TRHDE: variants seen among roughly 807,000 people sequenced by gnomAD.
The protein encoded by TRHDE is thyrotropin releasing hormone degrading enzyme.
Under a neutral mutation model 125.7 loss-of-function variants are expected in TRHDE, and 72 were observed. The ratio of observed to expected loss-of-function variants is 0.57; its 90% CI spans 0.47 to 0.70. The LOEUF (loss-of-function observed/expected upper bound fraction) is 0.70. TRHDE is among the 30% of genes least tolerant of loss of function. The probability of loss-of-function intolerance (pLI) is 0.00; values close to 1 mark genes in which losing one functional copy is unlikely to be tolerated. For missense variants in TRHDE, 1,110 were observed against 1,327.1 expected (o/e 0.84, Z 2.54); for synonymous variants, 509 against 509.1 (o/e 1.00, Z 0.00).
At chr12:72,552,137 A>C (rs757670412) in intron 7 of TRHDE, among the ~76,000 whole-genome samples, 1 of 152,184 alleles carries the variant, frequency 6.6e-6, no homozygotes, top group African/African-American at 2.4e-5. Context: ...AAACGGTTTT[A>C]AACTGGATAT....
At chr12:72,175,361 T>TAGTAATTTGCAAAAGGTA (rs1876964558) in intron 2 of TRHDE, among the ~76,000 whole-genome samples, 2 of 152,210 alleles carry the variant, frequency 1.3e-5, no homozygotes, top group African/African-American at 4.8e-5. Flanking sequence ...ACTACCGTGG[T>TAGTAATTTGCAAAAGGTA]GTTTGCAAAA....
intron 2 of TRHDE, among the ~76,000 whole-genome samples, chr12:72,215,147 G>A (rs1877860607): frequency 6.6e-6 from 1 of 152,120 alleles, no homozygotes; most frequent in East Asian, 1.9e-4. Flanking sequence ...ATAGGATTTG[G>A]GTAGGTAAAG....
chr12:72,351,461 T>C (rs985949188), intron 2 of TRHDE, among the ~76,000 whole-genome samples: 9 of 151,964 alleles, frequency 5.9e-5, no homozygotes, highest in Non-Finnish European at 1.0e-4. Flanking sequence ...TGTACTCAAC[T>C]GGCAGCCATA....
intron 7 of TRHDE, among the ~76,000 whole-genome samples, chr12:72,551,691 G>A (rs763733101): frequency 3.5e-4 from 53 of 152,020 alleles, no homozygotes; most frequent in Non-Finnish European, 6.5e-4. Context: ...AATACACAGC[G>A]GATATGGTCC....
chr12:72,377,521 A>G (rs745641975), intron 2 of TRHDE, among the ~76,000 whole-genome samples: 120 of 152,250 alleles, frequency 7.9e-4, no homozygotes, highest in Non-Finnish European at 1.6e-3. Flanking sequence ...GATTCCAAAG[A>G]AAAAAAGGAA....
chr12:72,566,059 T>C (rs969083790), intron 9 of TRHDE, among the ~76,000 whole-genome samples: 3 of 152,080 alleles, frequency 2.0e-5, no homozygotes, highest in African/African-American at 7.2e-5. Context: ...TCTTTTAAGT[T>C]ATAATCACAA....
intron 2 of TRHDE, among the ~76,000 whole-genome samples, chr12:72,369,140 A>G (rs929242164): frequency 2.0e-5 from 3 of 152,136 alleles, no homozygotes; most frequent in Admixed American, 6.5e-5. Context: ...TGAAATAAAC[A>G]TTTATAGCGA....
At chr12:72,318,170 GT>G (rs1267398735) in intron 2 of TRHDE, among the ~76,000 whole-genome samples, 1 of 152,162 alleles carries the variant, frequency 6.6e-6, no homozygotes, top group Non-Finnish European at 1.5e-5. Flanking sequence ...CAATGGGGGT[GT>G]GGTGTGTGTG....
chr12:72,529,210 G>A (rs1455075597), intron 6 of TRHDE, among the ~76,000 whole-genome samples: 2 of 151,984 alleles, frequency 1.3e-5, no homozygotes, highest in Non-Finnish European at 2.9e-5. Context: ...TAATTATAAG[G>A]TGTTGCAGGT....
chr12:72,537,268 G>A (rs962861323), intron 6 of TRHDE, among the ~76,000 whole-genome samples: 4 of 152,040 alleles, frequency 2.6e-5, no homozygotes, highest in Admixed American at 2.0e-4. Flanking sequence ...GTTTGGCCCT[G>A]TTTCCCCACC....
At chr12:72,477,044 A>C (rs964828235) in intron 5 of TRHDE, among the ~76,000 whole-genome samples, 2 of 152,198 alleles carry the variant, frequency 1.3e-5, no homozygotes, top group Non-Finnish European at 2.9e-5. Context: ...TAAGAAGCTC[A>C]GATTTCAAGG....
At chr12:72,246,274 C>T (rs1288361576) in intron 2 of TRHDE, among the ~76,000 whole-genome samples, 1 of 151,972 alleles carries the variant, frequency 6.6e-6, no homozygotes, top group Non-Finnish European at 1.5e-5. Context: ...ATGTGCCAAC[C>T]AAATAGAGAG....
intron 1 of TRHDE, among the ~76,000 whole-genome samples, chr12:72,096,160 C>CACACAG (rs1874916759): frequency 6.6e-6 from 1 of 151,892 alleles, no homozygotes; most frequent in Non-Finnish European, 1.5e-5. Context: ...CACACACACA[C>CACACAG]ACACACATAT....
intron 2 of TRHDE, among the ~76,000 whole-genome samples, chr12:72,151,966 A>C (rs1367940857): frequency 1.3e-5 from 2 of 151,668 alleles, no homozygotes; most frequent in East Asian, 3.9e-4. Flanking sequence ...GATGGCATTG[A>C]ATCTGTAAAT....
intron 15 of TRHDE, among the ~76,000 whole-genome samples, chr12:72,626,146 G>T (rs1873249259): frequency 6.6e-6 from 1 of 151,924 alleles, no homozygotes; most frequent in African/African-American, 2.4e-5. Flanking sequence ...CACACTTTGG[G>T]AATCGCTGGT....
At chr12:72,661,596 T>A (rs968936857) in intron 18 of TRHDE, among the ~76,000 whole-genome samples, 3 of 152,146 alleles carry the variant, frequency 2.0e-5, no homozygotes, top group Non-Finnish European at 4.4e-5. Flanking sequence ...AGTACAAATG[T>A]ATTCTTGTGT....
At chr12:72,327,572 T>C in intron 2 of TRHDE, among the ~76,000 whole-genome samples, 1 of 152,186 alleles carries the variant, frequency 6.6e-6, no homozygotes, top group Non-Finnish European at 1.5e-5. Flanking sequence ...ATATTTATAG[T>C]AACATTAGCA....
intron 2 of TRHDE, among the ~76,000 whole-genome samples, chr12:72,335,707 G>A (rs1869801861): frequency 6.6e-6 from 1 of 152,170 alleles, no homozygotes; most frequent in African/African-American, 2.4e-5. Flanking sequence ...ATGAAACATT[G>A]AGTAAAATAT....
chr12:72,424,855 A>G (rs967261293), intron 3 of TRHDE, among the ~76,000 whole-genome samples: 11 of 152,192 alleles, frequency 7.2e-5, no homozygotes, highest in Non-Finnish European at 1.6e-4. Context: ...TAGTAAAAGA[A>G]TGCTAAATTC....
Sources: gnomAD v4.1 joint callset for allele counts (sites outside exome capture counted in the v4.1 genomes callset) on GRCh38, gnomAD v4.1.1 for gene constraint, MANE v1.5 for transcripts, NCBI Gene and HGNC (gene_info 2026-07-23, HGNC 2026-07-21) for gene names.